The following KDM5B variants were observed in gnomAD, a reference collection of about 807,000 sequenced individuals.
KDM5B encodes the protein lysine-specific demethylase 5B.
A neutral mutation model predicts 193.4 loss-of-function variants in KDM5B; 144 were observed. That is an observed-to-expected ratio of 0.74 (90% CI 0.65 to 0.86). The LOEUF (loss-of-function observed/expected upper bound fraction) is 0.86. Among genes scored for constraint, KDM5B ranks in the 40% least tolerant of loss-of-function variants. The probability of loss-of-function intolerance (pLI) is 0.00; values close to 1 mark genes in which losing one functional copy is unlikely to be tolerated. For synonymous variants in KDM5B, 668 were observed against 682.6 expected (o/e 0.98, Z 0.33); for missense variants, 1,833 against 1,886.9 (o/e 0.97, Z 0.53).
At chr1:202,805,421 A>G (rs1018768235) in intron 1 of KDM5B, among the ~76,000 whole-genome samples, 2 of 152,232 alleles carry the variant, frequency 1.3e-5, no homozygotes, top group African/African-American at 2.4e-5. Context: ...AGTCTCACTG[A>G]GAAAGCAGCT....
intron 1 of KDM5B, among the ~76,000 whole-genome samples, chr1:202,787,737 C>T (rs968586745): frequency 4.0e-5 from 6 of 151,228 alleles, no homozygotes; most frequent in Non-Finnish European, 8.8e-5. Flanking sequence ...AAAAAAAATA[C>T]AAAAAATTAG....
rs938750113 is a variant in KDM5B, at chr1:202,800,418, G to A, written c.204+7684C>T. On this transcript the variant is annotated intron_variant, in intron 1 of 26. Transcript: ENST00000367265. ...TGCAGTGGCGTGATCAGGGCTCACC[G>A]CAACCTGGAACTTCTGAGCTCAAGC... 3.3e-5 allele frequency among the ~76,000 whole-genome samples: 5 copies of A among 152,036 alleles called. No individual in the cohort carries two copies. In the South Asian group the frequency reaches 6.2e-4, roughly 19 times the overall value.
chr1:202,746,047 T>C, intron 15 of KDM5B, 65 bp from the exon 16 acceptor site: 1 of 1,600,178 alleles, frequency 6.2e-7, no homozygotes. Flanking sequence ...AGATGTTTTA[T>C]ACTTAACATT....
intron 20 of KDM5B, among the ~76,000 whole-genome samples, chr1:202,738,560 G>C (rs574521330): frequency 6.6e-6 from 1 of 152,292 alleles, no homozygotes; most frequent in East Asian, 1.9e-4. Context: ...CATTTGTCTA[G>C]AATTGTCCTG....
At chr1:202,807,467 C>T (rs1658346875) in intron 1 of KDM5B, among the ~76,000 whole-genome samples, 1 of 151,702 alleles carries the variant, frequency 6.6e-6, no homozygotes, top group African/African-American at 2.4e-5. Flanking sequence ...CCTTCTTGAC[C>T]CCGGCCCGGG....
intron 1 of KDM5B, among the ~76,000 whole-genome samples, chr1:202,788,806 A>G (rs1005307802): frequency 6.6e-6 from 1 of 152,190 alleles, no homozygotes; most frequent in African/African-American, 2.4e-5. Flanking sequence ...GAGGTTCTCT[A>G]GTAACTAGTT....
At chr1:202,730,582 C>A (rs1654846790) in intron 25 of KDM5B, among the ~76,000 whole-genome samples, 1 of 152,118 alleles carries the variant, frequency 6.6e-6, no homozygotes, top group Non-Finnish European at 1.5e-5. Context: ...CAACATCAGC[C>A]CTCATGCTAT....
intron 1 of KDM5B, among the ~76,000 whole-genome samples, chr1:202,799,787 A>G (rs779383397): frequency 6.6e-6 from 1 of 152,244 alleles, no homozygotes; most frequent in Admixed American, 6.5e-5. Flanking sequence ...GCATTTTACA[A>G]GAGATTACCA....
chr1:202,784,029 A>T (rs1001235850), intron 1 of KDM5B, among the ~76,000 whole-genome samples: 2 of 152,214 alleles, frequency 1.3e-5, no homozygotes, highest in African/African-American at 4.8e-5. Context: ...TTAACTTAAC[A>T]ACAACTAAAA....
At chr1:202,748,886 A>C in intron 14 of KDM5B, 59 bp downstream of exon 14, 1 of 1,418,118 alleles carries the variant, frequency 7.1e-7, no homozygotes, top group Non-Finnish European at 9.6e-7. Context: ...TAAAGTGCGT[A>C]AAAATTTTAC....
At position 202,790,494 on chromosome 1, in the gene KDM5B, C is replaced by CA. The variant is rs569232846; in HGVS notation, c.205-13401dup. ...CAGCACTTTGGGAGGCTGAGGTGGGCAGATCACTTGAGGTCTGGAGTTCGA... is the reference window on the plus strand; with the variant it reads ...CAGCACTTTGGGAGGCTGAGGTGGGCAAGATCACTTGAGGTCTGGAGTTCGA... On this transcript the variant is annotated intron_variant, in intron 1 of 26. Coordinates refer to ENST00000367265, the MANE Select transcript of KDM5B (RefSeq NM_006618.5). 2.1e-3 allele frequency among the ~76,000 whole-genome samples: 322 copies of CA among 152,078 alleles called. 1 individual carries two copies. Among genetic ancestry groups the CA allele is most frequent in the African/African-American group, 7.1e-3 (296 of 41,508 alleles).
At chr1:202,790,807 T>A (rs1013837336) in intron 1 of KDM5B, among the ~76,000 whole-genome samples, 1 of 152,054 alleles carries the variant, frequency 6.6e-6, no homozygotes, top group Non-Finnish European at 1.5e-5. Flanking sequence ...CCCTTCCACA[T>A]AGCATTCAAG....
chr1:202,777,518 A>C (rs1657009865), intron 1 of KDM5B, among the ~76,000 whole-genome samples: 2 of 151,060 alleles, frequency 1.3e-5, no homozygotes, highest in South Asian at 4.2e-4. Flanking sequence ...TTTTGAGATA[A>C]GGTTTCACTC....
Position 202,758,394 on chromosome 1 carries a change from G to T in KDM5B, c.1194C>A (p.Val398=). The T allele has an allele frequency of 6.2e-7, 1 of 1,610,620 alleles. No homozygotes were observed. The highest frequency in any genetic ancestry group is 8.5e-7 in the Non-Finnish European group (1 of 1,177,572). Residue 398 remains valine (V), a synonymous_variant, in exon 9 of 27, where the codon GTC becomes GTA. Coordinates refer to ENST00000367265, the MANE Select transcript of KDM5B (RefSeq NM_006618.5). ...AAAGCAGTATATATGTACATACATG[G>T]ACTGGCATGTTGAAGTAATCAGATT... ...AFKSDYFNMP[V]HMVPTELVEK... is the part of the protein sequence containing the mutation.
At chr1:202,765,689 T>C (rs1395762196) in intron 5 of KDM5B, among the ~76,000 whole-genome samples, 1 of 152,224 alleles carries the variant, frequency 6.6e-6, no homozygotes, top group East Asian at 1.9e-4. Context: ...TTTTTTCCTA[T>C]CTCCAACTTA....
chr1:202,753,196 T>A, intron 11 of KDM5B, 129 bp from the exon 12 acceptor site: 2 of 768,948 alleles, frequency 2.6e-6, no homozygotes, highest in Non-Finnish European at 4.1e-6. Context: ...TGACGAAATA[T>A]CATTAGAAAT....
At position 202,774,706 on chromosome 1, in the gene KDM5B, C is replaced by T. The variant is rs893105573; in HGVS notation, c.312G>A (p.Leu104=). The change falls in exon 3 of 27, where the codon TTG becomes TTA. Residue 104 remains leucine (L), a synonymous_variant. Transcript: ENST00000367265. ...ACTCCCAGTACTTTGCAATCTGGTCCAAGAAATTCAATTTTACACGAGTTT... is the reference window on the plus strand; with the variant it reads ...ACTCCCAGTACTTTGCAATCTGGTCTAAGAAATTCAATTTTACACGAGTTT... ...EAQTRVKLNF[L]DQIAKYWELQ... 1 of 1,613,152 alleles carries T rather than the reference C, an allele frequency of 6.2e-7. No homozygotes were observed. The highest frequency in any genetic ancestry group is 8.5e-7 in the Non-Finnish European group (1 of 1,179,336).
rs1431744103 is a variant in KDM5B at position 202,742,581 on chromosome 1, C to T, written c.2474+74G>A. ...CCACACCCAGGTGGTCACAGAAATT[C>T]AAGACAGGAGTCACAACAGGTTTCC... is the stretch of plus-strand genomic sequence containing the variant. On this transcript the variant is annotated intron_variant, in intron 17 of 26. Transcript: ENST00000367265. 5.0e-6 allele frequency: 8 copies of T among 1,605,588 alleles called. No homozygotes were observed. In the African/African-American group the frequency reaches 1.1e-4, roughly 21 times the overall value.
chr1:202,773,225 T>A lies in KDM5B; in HGVS notation c.469A>T (p.Thr157Ser). The change falls in exon 4 of 27, where the codon ACC (threonine) becomes TCC (serine). Residue 157 changes from threonine to serine, a missense_variant. Transcript: ENST00000367265. ...TTGCCAGGAGCAAACCCCATCTTGG[T>A]AGCAATTTTGGTCCATTTTCTATCC... ...CKDRKWTKIA[T>S]KMGFAPGKAV... 4 of 1,614,146 alleles carry A rather than the reference T, an allele frequency of 2.5e-6. No individual in the cohort carries two copies. Among genetic ancestry groups the A allele is most frequent in the Non-Finnish European group, 3.4e-6 (4 of 1,179,976 alleles).
Sources: gnomAD v4.1 joint callset for allele counts (sites outside exome capture counted in the v4.1 genomes callset) on GRCh38, gnomAD v4.1.1 for gene constraint, MANE v1.5 for transcripts, NCBI Gene and HGNC (gene_info 2026-07-23, HGNC 2026-07-21) for gene names.